Variants in MMP17 observed in about 807,000 individuals in gnomAD.
MMP17 encodes the protein matrix metallopeptidase 17.
Under a neutral mutation model 49.1 loss-of-function variants are expected in MMP17, and 54 were observed. The observed-to-expected ratio is 1.10, with a 90% CI of 0.88 to 1.38. The LOEUF is 1.38. Ranked by LOEUF, MMP17 falls within the 40% of genes most tolerant of loss-of-function variation. The pLI, the probability that MMP17 is intolerant of heterozygous loss-of-function variation, is 0.00. For missense variants in MMP17, 837 were observed against 853.7 expected (o/e 0.98, Z 0.24); for synonymous variants, 397 against 383.1 (o/e 1.04, Z -0.42).
chr12:131,845,266 T>C (rs913717090), intron 7 of MMP17, 31 bp from the exon 8 acceptor site: 3 of 1,613,274 alleles, frequency 1.9e-6, no homozygotes, highest in Non-Finnish European at 2.5e-6. Context: ...AGACCGTCTC[T>C]GCAGCCCGGC....
At position 131,840,768 on chromosome 12, in the gene MMP17, C is replaced by T. The variant is rs747200830; in HGVS notation, c.618C>T (p.Thr206=). The change falls in exon 4 of 10, where the codon ACC becomes ACT. Residue 206 remains threonine, a synonymous_variant. Transcript: ENST00000360564. The stretch of plus-strand genomic sequence containing the variant: ...ACCCCTTCGACGGCCCCGGCGGCAC[C>T]GTGGCCCACGCCTTCTTCCCCGGCC... ...DGYPFDGPGG[T]VAHAFFPGHH... is the part of the protein sequence containing the mutation. The T allele has an allele frequency of 2.8e-5, 45 of 1,604,842 alleles. No homozygotes were observed. Among genetic ancestry groups the T allele is most frequent in the African/African-American group, 1.5e-4 (11 of 74,930 alleles).
At position 131,843,936 on chromosome 12, in the gene MMP17, G is replaced by A. The variant is rs115210666; in HGVS notation, c.884-61G>A. 2.3e-4 allele frequency: 280 copies of A among 1,238,354 alleles called. 1 individual carries two copies. The African/African-American group carries it at 3.2e-3, about 14-fold the overall frequency. The allele number at this position is 1,238,354 out of a possible 1,614,324, so 76.7% of individuals were successfully genotyped here. ...ATCCCTGGGATTCAGAAGGGCTGGTGGGATGTGGGGGGAGGCGGGCGTCGG... is the reference window on the plus strand; with the variant it reads ...ATCCCTGGGATTCAGAAGGGCTGGTAGGATGTGGGGGGAGGCGGGCGTCGG... On this transcript the variant is annotated intron_variant, in intron 5 of 9. Transcript: ENST00000360564.
chr12:131,834,248 G>C (rs7959336), intron 1 of MMP17, among the ~76,000 whole-genome samples: 1 of 152,152 alleles, frequency 6.6e-6, no homozygotes, highest in Non-Finnish European at 1.5e-5. Context: ...GTGGGTTGGG[G>C]CTCCCTGGAG....
intron 1 of MMP17, among the ~76,000 whole-genome samples, chr12:131,836,517 T>C (rs1887092386): frequency 6.6e-6 from 1 of 151,986 alleles, no homozygotes; most frequent in South Asian, 2.1e-4. Context: ...GTTATGTTTT[T>C]TTCATTTATG....
At chr12:131,848,430 T>C (rs950504703) in intron 8 of MMP17, among the ~76,000 whole-genome samples, 5 of 151,918 alleles carry the variant, frequency 3.3e-5, no homozygotes, top group Non-Finnish European at 7.4e-5. Flanking sequence ...GAGCACACTT[T>C]ACTATTTCAG....
rs57004708 is a variant in MMP17, at chr12:131,841,818, G to A, written c.883+18G>A. 7,464 of 1,553,062 alleles carry A rather than the reference G, an allele frequency of 4.8e-3. 260 individuals are homozygous for A. In the African/African-American group the frequency reaches 0.082, roughly 17 times the overall value. On this transcript the variant is annotated intron_variant, in intron 5 of 9. Coordinates refer to ENST00000360564, the MANE Select transcript of MMP17 (RefSeq NM_016155.7). Reference sequence around the variant, plus strand: ...GCTGTACGGTGAGTGTCTCCCCGAAGCCAGACACAGGGCCCCTGGAAGAGG... The same window carrying A: ...GCTGTACGGTGAGTGTCTCCCCGAAACCAGACACAGGGCCCCTGGAAGAGG...
chr12:131,848,727 T>G (rs1222032083), intron 8 of MMP17, among the ~76,000 whole-genome samples: 1 of 152,152 alleles, frequency 6.6e-6, no homozygotes, highest in Non-Finnish European at 1.5e-5. Context: ...TCCTCGGGGC[T>G]CATACACGCG....
chr12:131,847,896 C>T (rs973021772), intron 8 of MMP17, among the ~76,000 whole-genome samples: 2 of 152,110 alleles, frequency 1.3e-5, no homozygotes, highest in African/African-American at 2.4e-5. Flanking sequence ...TCCCCTGTGT[C>T]GCCTGCCCCT....
intron 8 of MMP17, among the ~76,000 whole-genome samples, chr12:131,848,952 G>A (rs577275327): frequency 5.8e-4 from 89 of 152,316 alleles, no homozygotes; most frequent in Non-Finnish European, 8.4e-4. Context: ...GGATCACGTG[G>A]TAATTCTATT....
rs1324000635 is a variant in MMP17 at position 131,851,384 on chromosome 12, G to A, written c.*110G>A. The A allele has an allele frequency of 8.7e-6, 9 of 1,034,022 alleles. No homozygotes were observed. The highest frequency in any genetic ancestry group is 3.3e-4 in the Middle Eastern group (1 of 2,986). 64.1% of individuals were successfully genotyped at this position (1,034,022 alleles called of 1,614,324 possible). On this transcript the variant is annotated 3_prime_UTR_variant, in exon 10 of 10. Transcript: ENST00000360564. ...AGGTGCTGGCGCGGGATGAGGACGGGCCACCCTGGCACCGGAAGGCCAGCA... is the reference window on the plus strand; with the variant it reads ...AGGTGCTGGCGCGGGATGAGGACGGACCACCCTGGCACCGGAAGGCCAGCA...
At chr12:131,848,880 A>C (rs1234559270) in intron 8 of MMP17, among the ~76,000 whole-genome samples, 1 of 152,200 alleles carries the variant, frequency 6.6e-6, no homozygotes, top group African/African-American at 2.4e-5. Context: ...GTGAGTGTGC[A>C]AACGTCTCTC....
intron 1 of MMP17, among the ~76,000 whole-genome samples, chr12:131,834,325 T>C (rs973474590): frequency 2.6e-5 from 4 of 151,270 alleles, no homozygotes; most frequent in African/African-American, 9.7e-5. Flanking sequence ...AGTGGCCTTC[T>C]GGAAGGTTCA....
At chr12:131,848,500 C>A (rs1239184743) in intron 8 of MMP17, among the ~76,000 whole-genome samples, 1 of 152,242 alleles carries the variant, frequency 6.6e-6, no homozygotes, top group African/African-American at 2.4e-5. Context: ...GCAGCTGTCA[C>A]CTGCGTCCAC....
In MMP17 at chr12:131,828,573, C is replaced by T. The variant is rs1886629527; in HGVS notation, c.79C>T (p.Leu27=). The change falls in exon 1 of 10, where the codon CTG becomes TTG. Residue 27 remains leucine (L), a synonymous_variant. Transcript: ENST00000360564. ...GLSRLPLPLL[L]LLALGTRGGC... ...CTCGCGGCTGCCGCTGCCGCTGCTG[C>T]TGCTGCTGGCGCTGGGGACCCGCGG... The T allele has an allele frequency of 1.9e-6, 2 of 1,029,716 alleles. No homozygotes were observed. The highest frequency in any genetic ancestry group is 7.5e-5 in the East Asian group (1 of 13,250). The allele number at this position is 1,029,716 out of a possible 1,614,324, so 63.8% of individuals were successfully genotyped here. A position where few individuals can be genotyped will look rare whatever the true frequency, so the allele number is the denominator to read the frequency against.
At chr12:131,828,718 G>A (rs1222173528) in intron 1 of MMP17, 65 bp downstream of exon 1, 4 of 191,090 alleles carry the variant, frequency 2.1e-5, no homozygotes, top group Non-Finnish European at 4.1e-5. Context: ...CGCGGGCCGG[G>A]TGGCGGGGAC....
intron 4 of MMP17, 90 bp downstream of exon 4, chr12:131,840,946 T>C: frequency 7.1e-7 from 1 of 1,410,840 alleles, no homozygotes; most frequent in Non-Finnish European, 9.4e-7. Context: ...TCCCCAACCC[T>C]GCGGCTGAAA....
chr12:131,843,064 C>G (rs898831250), intron 5 of MMP17, among the ~76,000 whole-genome samples: 1 of 151,942 alleles, frequency 6.6e-6, no homozygotes. Flanking sequence ...GGCGCGATCT[C>G]GGCTCGCTGC....
chr12:131,850,008 C>A lies in MMP17; in HGVS notation c.1411C>A (p.Leu471Met). 1 of 1,613,498 alleles carries A rather than the reference C, an allele frequency of 6.2e-7. No individual in the cohort carries two copies. Among genetic ancestry groups the A allele is most frequent in the African/African-American group, 1.3e-5 (1 of 75,074 alleles). Residue 471 changes from leucine (L) to methionine (M), a missense_variant, in exon 9 of 10, where the codon CTG becomes ATG. Coordinates refer to ENST00000360564, the MANE Select transcript of MMP17 (RefSeq NM_016155.7). ...MDPGYPAQSP[L>M]WRGVPSTLDD... ...CCCCGGCTACCCCGCCCAGAGCCCCCTGTGGAGGGGTGTCCCCAGCACGCT... is the reference window on the plus strand; with the variant it reads ...CCCCGGCTACCCCGCCCAGAGCCCCATGTGGAGGGGTGTCCCCAGCACGCT...
chr12:131,830,170 T>C (rs1886718187), intron 1 of MMP17, among the ~76,000 whole-genome samples: 1 of 152,250 alleles, frequency 6.6e-6, no homozygotes, highest in African/African-American at 2.4e-5. Flanking sequence ...CCGAGCCATG[T>C]TGGCTGATCA....
Sources: gnomAD v4.1 joint callset for allele counts (sites outside exome capture counted in the v4.1 genomes callset) on GRCh38, gnomAD v4.1.1 for gene constraint, MANE v1.5 for transcripts, NCBI Gene and HGNC (gene_info 2026-07-23, HGNC 2026-07-21) for gene names.